Variants in TMEM260 observed in about 807,000 individuals in gnomAD.
TMEM260 encodes the protein transmembrane protein 260.
In TMEM260, 82 loss-of-function variants were observed where a neutral mutation model predicts 88.9. That is an observed-to-expected ratio of 0.92 (90% CI 0.77 to 1.11). The LOEUF (loss-of-function observed/expected upper bound fraction) is 1.11. TMEM260 is among the 50% of genes least tolerant of loss of function. TMEM260 has a pLI of 0.00. For synonymous variants in TMEM260, 314 were observed against 309.3 expected (o/e 1.02, Z -0.16); for missense variants, 902 against 853.4 (o/e 1.06, Z -0.71).
At chr14:56,594,213 A>G (rs1886069290) in intron 3 of TMEM260, among the ~76,000 whole-genome samples, 1 of 152,062 alleles carries the variant, frequency 6.6e-6, no homozygotes. Context: ...TTTTTCTCAT[A>G]TCTAATTTAT....
chr14:56,600,425 G>A (rs1269240540), intron 3 of TMEM260, among the ~76,000 whole-genome samples: 1 of 152,124 alleles, frequency 6.6e-6, no homozygotes, highest in Non-Finnish European at 1.5e-5. Context: ...TCTAGCTGTG[G>A]TTAGCCGAAA....
chr14:56,607,275 T>G (rs1027168101), intron 5 of TMEM260, among the ~76,000 whole-genome samples: 16 of 152,164 alleles, frequency 1.1e-4, no homozygotes, highest in African/African-American at 2.9e-4. Context: ...AGGGGTGCAT[T>G]CTTAGCACAT....
intron 10 of TMEM260, among the ~76,000 whole-genome samples, chr14:56,620,945 T>A (rs1156718214): frequency 6.6e-6 from 1 of 152,142 alleles, no homozygotes; most frequent in Non-Finnish European, 1.5e-5. Context: ...TGGAGAGAAG[T>A]AAACAACTCA....
At chr14:56,594,624 G>T (rs1886095052) in intron 3 of TMEM260, among the ~76,000 whole-genome samples, 3 of 152,122 alleles carry the variant, frequency 2.0e-5, no homozygotes, top group Admixed American at 2.0e-4. Context: ...CTTATTTTGG[G>T]TGTAGTTTTA....
chr14:56,600,365 G>A (rs1458891568), intron 3 of TMEM260, among the ~76,000 whole-genome samples: 1 of 152,070 alleles, frequency 6.6e-6, no homozygotes, highest in African/African-American at 2.4e-5. Context: ...GTATAATAAA[G>A]AGGGAAGACA....
chr14:56,595,422 C>A (rs192723467), intron 3 of TMEM260, among the ~76,000 whole-genome samples: 3 of 152,188 alleles, frequency 2.0e-5, no homozygotes, highest in South Asian at 2.1e-4. Context: ...AATTAAGGAA[C>A]CTTCTTTACA....
At chr14:56,609,958 T>C (rs536554858) in intron 6 of TMEM260, among the ~76,000 whole-genome samples, 1 of 152,180 alleles carries the variant, frequency 6.6e-6, no homozygotes, top group East Asian at 1.9e-4. Flanking sequence ...GTTTGTACTT[T>C]TGTGTCCTAC....
chr14:56,631,572 G>T (rs1487218627), intron 12 of TMEM260, among the ~76,000 whole-genome samples: 1 of 149,988 alleles, frequency 6.7e-6, no homozygotes, highest in Non-Finnish European at 1.5e-5. Context: ...GCAGTGAGCT[G>T]AGATTGTGCC....
At chr14:56,589,656 C>A (rs2151774) in intron 3 of TMEM260, among the ~76,000 whole-genome samples, 1 of 151,876 alleles carries the variant, frequency 6.6e-6, no homozygotes, top group African/African-American at 2.4e-5. Flanking sequence ...CTACAAAGAA[C>A]GTACGATCAA....
intron 5 of TMEM260, among the ~76,000 whole-genome samples, chr14:56,607,680 A>G (rs2139563219): frequency 6.6e-6 from 1 of 152,316 alleles, no homozygotes; most frequent in Admixed American, 6.5e-5. Flanking sequence ...ATATATCTGT[A>G]TGTACATATA....
chr14:56,634,379 C>G (rs1888865821), intron 13 of TMEM260, among the ~76,000 whole-genome samples: 1 of 152,176 alleles, frequency 6.6e-6, no homozygotes, highest in Non-Finnish European at 1.5e-5. Context: ...TCTCTTGAGG[C>G]ATGGGAGCTA....
intron 7 of TMEM260, chr14:56,613,377 C>G (rs1272451151): frequency 1.3e-5 from 2 of 152,070 alleles, no homozygotes; most frequent in African/African-American, 4.8e-5. Flanking sequence ...TAAACAACTT[C>G]TTTTTTCTAC....
rs772774176 is a variant in TMEM260 at position 56,585,893 on chromosome 14, C to CT, written c.332dup (p.Thr112HisfsTer36). 6.2e-7 allele frequency: 1 copy of CT among 1,612,330 alleles called. No homozygotes were observed. Reference sequence around the variant, plus strand: ...ATTTGGAGCAGTAGCTGCATCATTACTTTTTTTCACCGTTTTCAGGTAAAG... The same window carrying CT: ...ATTTGGAGCAGTAGCTGCATCATTACTTTTTTTTCACCGTTTTCAGGTAAAG... On this transcript the variant is annotated frameshift_variant, in exon 3 of 16. Coordinates refer to ENST00000261556, the MANE Select transcript of TMEM260 (RefSeq NM_017799.4). LOFTEE classifies it high-confidence loss of function.
chr14:56,616,029 T>TATACAA lies in TMEM260; in HGVS notation c.941+3_941+4insTACAAA. The TATACAA allele has an allele frequency of 2.5e-6, 4 of 1,596,090 alleles. No individual in the cohort carries two copies. The highest frequency in any genetic ancestry group is 2.6e-6 in the Non-Finnish European group (3 of 1,164,300). On this transcript the variant is annotated splice_region_variant and intron_variant, in intron 8 of 15. Coordinates refer to ENST00000261556, the MANE Select transcript of TMEM260 (RefSeq NM_017799.4). ...TGCAAATATATGTTTAGCAACAAAG[T>TATACAA]AAGTAATACAATTCCTTTTTCTGTT...
intron 15 of TMEM260, among the ~76,000 whole-genome samples, chr14:56,640,216 C>T (rs1024940987): frequency 1.3e-5 from 2 of 152,174 alleles, no homozygotes; most frequent in Non-Finnish European, 2.9e-5. Context: ...GTCCCTGACC[C>T]CCGAGTAGCC....
intron 2 of TMEM260, 101 bp from the exon 3 acceptor site, chr14:56,585,660 C>A: frequency 8.6e-7 from 1 of 1,167,830 alleles, no homozygotes. Context: ...GGTGCCTAAT[C>A]TTTATAGCTG....
At chr14:56,593,627 C>CT (rs1180159391) in intron 3 of TMEM260, among the ~76,000 whole-genome samples, 1 of 145,812 alleles carries the variant, frequency 6.9e-6, no homozygotes, top group Non-Finnish European at 1.5e-5. Flanking sequence ...GTTTACCTCT[C>CT]TAACAGTGTC....
rs891601238 is a variant in TMEM260 at position 56,604,069 on chromosome 14, T to A, written c.522+77T>A. The A allele has an allele frequency of 8.0e-5, 110 of 1,381,250 alleles. 1 individual carries two copies. Among genetic ancestry groups the A allele is most frequent in the Non-Finnish European group, 1.0e-4 (104 of 1,026,206 alleles). The allele number at this position is 1,381,250 out of a possible 1,614,324, so 85.6% of individuals were successfully genotyped here. A position where few individuals can be genotyped will look rare whatever the true frequency, so the allele number is the denominator to read the frequency against. Reference sequence around the variant, plus strand: ...GATGTATTTCTTTTTAACTTTGGCTTAAATACCTTTTATCTATTCTGATTA... The same window carrying A: ...GATGTATTTCTTTTTAACTTTGGCTAAAATACCTTTTATCTATTCTGATTA... On this transcript the variant is annotated intron_variant, in intron 4 of 15. Coordinates refer to ENST00000261556, the MANE Select transcript of TMEM260 (RefSeq NM_017799.4).
chr14:56,606,038 C>G (rs928801177), intron 5 of TMEM260, among the ~76,000 whole-genome samples: 5 of 152,130 alleles, frequency 3.3e-5, no homozygotes, highest in African/African-American at 1.2e-4. Flanking sequence ...AACTGTGTGC[C>G]GAGTCCTTGC....
Sources: allele counts gnomAD v4.1 joint callset (sites outside exome capture counted in the v4.1 genomes callset), GRCh38; gene constraint gnomAD v4.1.1; transcripts MANE v1.5; gene names NCBI Gene and HGNC (gene_info 2026-07-23, HGNC 2026-07-21).